The following P2RX7 variants were observed in gnomAD, a reference collection of about 807,000 sequenced individuals.
The protein encoded by P2RX7 is purinergic receptor P2X 7.
A neutral mutation model predicts 71.6 loss-of-function variants in P2RX7; 62 were observed. That is an observed-to-expected ratio of 0.87 (90% CI 0.71 to 1.07). The LOEUF (loss-of-function observed/expected upper bound fraction) is 1.07. P2RX7 is among the 50% of genes least tolerant of loss of function. The probability of loss-of-function intolerance (pLI) is 0.00; values close to 1 mark genes in which losing one functional copy is unlikely to be tolerated. For missense variants in P2RX7, 686 were observed against 748.5 expected (o/e 0.92, Z 0.97); for synonymous variants, 299 against 283.3 (o/e 1.06, Z -0.56).
At chr12:121,178,123 C>G (rs1314535293) in intron 11 of P2RX7, among the ~76,000 whole-genome samples, 1 of 152,210 alleles carries the variant, frequency 6.6e-6, no homozygotes, top group Non-Finnish European at 1.5e-5. Flanking sequence ...ATGGGACATA[C>G]TTTACAGCCT....
At chr12:121,152,524 T>C (rs533628213) in intron 1 of P2RX7, among the ~76,000 whole-genome samples, 1 of 151,986 alleles carries the variant, frequency 6.6e-6, no homozygotes, top group East Asian at 1.9e-4. Flanking sequence ...TGTTTTGTTT[T>C]GTTTTGTTTT....
In P2RX7 at chr12:121,175,516, A is replaced by G. The variant is rs200937235; in HGVS notation, c.972+38A>G. On this transcript the variant is annotated intron_variant, in intron 9 of 12. Transcript: ENST00000328963. ...TCCCAGCTCCGGGCACCGGCATCCT[A>G]TGACTGTGTCCTAATTACTGCTGTG... The G allele has an allele frequency of 9.7e-5, 88 of 907,018 alleles. No homozygotes were observed. In the African/African-American group the frequency reaches 1.3e-3, roughly 13 times the overall value. The allele number at this position is 907,018 out of a possible 1,614,324, so 56.2% of individuals were successfully genotyped here.
chr12:121,136,021 A>ATATATATAT (rs1250639431), intron 1 of P2RX7, among the ~76,000 whole-genome samples: 5 of 16,606 alleles, frequency 3.0e-4, no homozygotes, highest in Non-Finnish European at 1.3e-3. Flanking sequence ...AAAAAAAAAA[A>ATATATATAT]AAATATATAT....
At chr12:121,157,764 G>C (rs1249385865) in intron 3 of P2RX7, among the ~76,000 whole-genome samples, 2 of 152,206 alleles carry the variant, frequency 1.3e-5, no homozygotes, top group Non-Finnish European at 2.9e-5. Flanking sequence ...CCTCAGGCAG[G>C]TGACTCTTCA....
chr12:121,156,192 T>C, intron 3 of P2RX7, 45 bp downstream of exon 3: 1 of 1,507,836 alleles, frequency 6.6e-7, no homozygotes, highest in Non-Finnish European at 9.2e-7. Flanking sequence ...TAAGAGTTCC[T>C]GGGGGAGGTG....
intron 1 of P2RX7, among the ~76,000 whole-genome samples, chr12:121,134,194 T>A (rs1355063100): frequency 1.3e-5 from 2 of 152,222 alleles, no homozygotes. Flanking sequence ...TATATTCTCC[T>A]TTCTCTCGAA....
In P2RX7 at chr12:121,149,106, A is replaced by T; in HGVS notation, c.126-5679A>T. 1 of 568,070 alleles carries T rather than the reference A, an allele frequency of 1.8e-6. No individual in the cohort carries two copies. Among genetic ancestry groups the T allele is most frequent in the Non-Finnish European group, 3.5e-6 (1 of 286,830 alleles). 35.2% of individuals were successfully genotyped at this position (568,070 alleles called of 1,614,324 possible). On this transcript the variant is annotated intron_variant, in intron 1 of 12. Coordinates refer to ENST00000328963, the MANE Select transcript of P2RX7 (RefSeq NM_002562.6). This position sits in a 1 kb window ranked among gnomAD's most constrained non-coding sequence, Gnocchi z 4.7. The stretch of plus-strand genomic sequence containing the variant: ...TGGCATGGGGCCCATCCCACCTGTG[A>T]TGCCAGTGTAAGTCTGTGACAGTCA...
intron 1 of P2RX7, among the ~76,000 whole-genome samples, chr12:121,151,666 C>T (rs764294382): frequency 5.3e-5 from 8 of 152,044 alleles, no homozygotes; most frequent in Non-Finnish European, 1.2e-4. Flanking sequence ...TAAACATGAA[C>T]AATTCAGTGG....
chr12:121,155,870 A>G (rs1593053647), intron 2 of P2RX7, among the ~76,000 whole-genome samples: 2 of 152,266 alleles, frequency 1.3e-5, no homozygotes, highest in Middle Eastern at 6.8e-3. Flanking sequence ...TCTTCAACCC[A>G]TTCAAACGCT....
chr12:121,153,832 G>T (rs1878000392), intron 1 of P2RX7, among the ~76,000 whole-genome samples: 1 of 152,188 alleles, frequency 6.6e-6, no homozygotes, highest in South Asian at 2.1e-4. Flanking sequence ...AACTCCTGCA[G>T]CCTGGTGTGG....
In P2RX7 at chr12:121,148,304, T is replaced by C. The variant is rs527323318; in HGVS notation, c.126-6481T>C. 2.3e-3 allele frequency among the ~76,000 whole-genome samples: 343 copies of C among 151,878 alleles called. 2 individuals are homozygous for C. The highest frequency in any genetic ancestry group is 7.7e-3 in the African/African-American group (320 of 41,414). On this transcript the variant is annotated intron_variant, in intron 1 of 12. Coordinates refer to ENST00000328963, the MANE Select transcript of P2RX7 (RefSeq NM_002562.6). ...ATCTTGGCTCACTGCAACCTCCGCCTCCCAGGTTCAAACGATTCTCCCACC... is the reference window on the plus strand; with the variant it reads ...ATCTTGGCTCACTGCAACCTCCGCCCCCCAGGTTCAAACGATTCTCCCACC...
intron 2 of P2RX7, 144 bp from the exon 3 acceptor site, chr12:121,155,935 C>G (rs1384123121): frequency 1.1e-5 from 8 of 727,014 alleles, no homozygotes; most frequent in African/African-American, 1.8e-5. Flanking sequence ...ATATTAAGCC[C>G]TTGGCATATT....
intron 8 of P2RX7, among the ~76,000 whole-genome samples, chr12:121,171,458 G>A (rs982893105): frequency 6.7e-6 from 1 of 148,522 alleles, no homozygotes; most frequent in Non-Finnish European, 1.5e-5. Context: ...TCTGCCTCCC[G>A]GGCTCAAGCG....
intron 1 of P2RX7, among the ~76,000 whole-genome samples, chr12:121,140,429 G>A (rs1874609934): frequency 6.6e-6 from 1 of 152,200 alleles, no homozygotes; most frequent in South Asian, 2.1e-4. Flanking sequence ...AGCATAGAGT[G>A]TGGTGGGACA....
chr12:121,170,750 G>C (rs1272045924), intron 8 of P2RX7, among the ~76,000 whole-genome samples: 1 of 152,036 alleles, frequency 6.6e-6, no homozygotes, highest in Non-Finnish European at 1.5e-5. Context: ...CTCCAGCCTG[G>C]GCGACAGAGC....
At chr12:121,179,215 T>C (rs980552417) in intron 11 of P2RX7, among the ~76,000 whole-genome samples, 4 of 152,074 alleles carry the variant, frequency 2.6e-5, no homozygotes, top group African/African-American at 9.7e-5. Context: ...ACAAAGACGA[T>C]TGGCTAGACG....
intron 12 of P2RX7, among the ~76,000 whole-genome samples, chr12:121,181,915 T>C (rs1028287131): frequency 6.8e-6 from 1 of 146,484 alleles, no homozygotes; most frequent in East Asian, 2.0e-4. Context: ...AATACAAAAA[T>C]TAGCCAGGCG....
intron 1 of P2RX7, among the ~76,000 whole-genome samples, chr12:121,143,265 G>T (rs1024046133): frequency 3.3e-5 from 5 of 151,574 alleles, no homozygotes; most frequent in South Asian, 2.1e-4. Flanking sequence ...GTGGTGGCAG[G>T]TGCCTGTAAT....
At chr12:121,167,318 T>C (rs1881283291) in intron 7 of P2RX7, among the ~76,000 whole-genome samples, 170 bp from the exon 8 acceptor site, 1 of 152,122 alleles carries the variant, frequency 6.6e-6, no homozygotes, top group Non-Finnish European at 1.5e-5. Context: ...GATGCGATTG[T>C]GGCTGCCACA....
Sources: gnomAD v4.1 joint callset for allele counts (sites outside exome capture counted in the v4.1 genomes callset) on GRCh38, gnomAD v4.1.1 for gene constraint, Gnocchi (gnomAD v3.1) non-coding constraint, MANE v1.5 for transcripts, NCBI Gene and HGNC (gene_info 2026-07-23, HGNC 2026-07-21) for gene names.